ABCG5: variants seen among roughly 807,000 people sequenced by gnomAD.
ABCG5 encodes the protein ATP-binding cassette sub-family G member 5.
ABCG5 carries 64 observed loss-of-function variants against 64.5 expected under a neutral mutation model. That is an observed-to-expected ratio of 0.99 (90% CI 0.81 to 1.22). ABCG5 has a LOEUF of 1.22. ABCG5 is among the 50% of genes most tolerant of loss of function. The pLI is 0.00. For synonymous variants in ABCG5, 385 were observed against 326.3 expected, an observed-to-expected ratio of 1.18 and a Z score of -1.94; for missense variants, 908 against 829.5, an observed-to-expected ratio of 1.09 and a Z score of -1.16.
At chr2:43,814,726 TA>T (rs1463042973) in intron 11 of ABCG5, 137 bp from the exon 12 acceptor site, 5 of 595,066 alleles carry the variant, frequency 8.4e-6, no homozygotes, top group African/African-American at 3.7e-5. Context: ...ATGCTCACTA[TA>T]AAAAAACCTT....
rs1667457260 is a variant in ABCG5 at position 43,824,389 on chromosome 2, T to C, written c.948A>G (p.Ile316Met). 2.5e-6 allele frequency: 4 copies of C among 1,614,224 alleles called. 1 individual carries two copies. The East Asian group carries it at 8.9e-5, about 36-fold the overall frequency. Residue 316 changes from isoleucine (I) to methionine (M), a missense_variant, in exon 8 of 13, where the codon ATA becomes ATG. Transcript: ENST00000405322. ...TCATCTGGACTCTCTTGGAGGTTTC[T>C]ATTTCCCGTTCCTTGCTTTGGGTAT... is the stretch of plus-strand genomic sequence containing the variant. ...SVDTQSKERE[I>M]ETSKRVQMIE...
intron 11 of ABCG5, among the ~76,000 whole-genome samples, chr2:43,819,714 C>T (rs1310614811): frequency 6.6e-6 from 1 of 151,782 alleles, no homozygotes; most frequent in Admixed American, 6.6e-5. Flanking sequence ...TCCTGATTCC[C>T]GATAAAAAAG....
At chr2:43,818,605 G>T (rs1378861763) in intron 11 of ABCG5, among the ~76,000 whole-genome samples, 1 of 152,178 alleles carries the variant, frequency 6.6e-6, no homozygotes, top group Non-Finnish European at 1.5e-5. Flanking sequence ...GGTTGGCTCT[G>T]TACATTGCTG....
intron 11 of ABCG5, among the ~76,000 whole-genome samples, chr2:43,815,085 G>A (rs919422262): frequency 6.6e-6 from 1 of 152,198 alleles, no homozygotes; most frequent in African/African-American, 2.4e-5. Flanking sequence ...CCAATTGGAG[G>A]AGGAGATTTG....
chr2:43,832,521 G>C lies in ABCG5; in HGVS notation c.266-438C>G, dbSNP rs569685334. On this transcript the variant is annotated intron_variant, in intron 2 of 12. Coordinates refer to ENST00000405322, the MANE Select transcript of ABCG5 (RefSeq NM_022436.3). ...GTGGTCTGGTTGTACCTGGATGTAG[G>C]TGACATTGTCTAGAGCCTTGCTCAC... The C allele has an allele frequency of 3.6e-4, 81 of 226,434 alleles. 1 individual carries two copies. The South Asian group carries it at 5.7e-3, about 16-fold the overall frequency. The allele number at this position is 226,434 out of a possible 1,614,324, so 14.0% of individuals were successfully genotyped here. A position where few individuals can be genotyped will look rare whatever the true frequency, so the allele number is the denominator to read the frequency against.
In ABCG5 at chr2:43,812,734, A is replaced by G. The variant is rs550562520; in HGVS notation, c.*382T>C. On this transcript the variant is annotated 3_prime_UTR_variant, in exon 13 of 13. Coordinates refer to ENST00000405322, the MANE Select transcript of ABCG5 (RefSeq NM_022436.3). Reference sequence around the variant, plus strand: ...TCACTTATGGTCAGGAATCCTTGAAACATTTTATTTTTGCCTAATCCTTTA... The same window carrying G: ...TCACTTATGGTCAGGAATCCTTGAAGCATTTTATTTTTGCCTAATCCTTTA... The G allele has an allele frequency of 2.9e-4, 59 of 202,078 alleles. No homozygotes were observed. Among genetic ancestry groups the G allele is most frequent in the Non-Finnish European group, 4.2e-4 (41 of 98,172 alleles). The allele number at this position is 202,078 out of a possible 1,614,324, so 12.5% of individuals were successfully genotyped here. A position where few individuals can be genotyped will look rare whatever the true frequency, so the allele number is the denominator to read the frequency against.
At chr2:43,830,141 G>A (rs937122040) in intron 4 of ABCG5, among the ~76,000 whole-genome samples, 2 of 152,156 alleles carry the variant, frequency 1.3e-5, no homozygotes, top group Admixed American at 6.5e-5. Flanking sequence ...GCTTGGAAGA[G>A]ATGGACAGAG....
rs1052639205 is a variant in ABCG5 at position 43,814,538 on chromosome 2, G to T, written c.1701C>A (p.Phe567Leu). The T allele has an allele frequency of 6.2e-7, 1 of 1,609,766 alleles. No individual in the cohort carries two copies. Among genetic ancestry groups the T allele is most frequent in the Non-Finnish European group, 8.5e-7 (1 of 1,176,854 alleles). Reference sequence around the variant, plus strand: ...CAAGAATCTCACTGCAATATTTTTGGAATGTAAAATAACTGATGATTTTAA... The same window carrying T: ...CAAGAATCTCACTGCAATATTTTTGTAATGTAAAATAACTGATGATTTTAA... ...IPFKIISYFTFQKYCSEILVV... is the reference protein window; with the variant it reads ...IPFKIISYFTLQKYCSEILVV... The change falls in exon 12 of 13, where the codon TTC (phenylalanine) becomes TTA (leucine). Residue 567 changes from phenylalanine to leucine, a missense_variant. Phe to Leu is a conservative substitution (Grantham distance 22). Coordinates refer to ENST00000405322, the MANE Select transcript of ABCG5 (RefSeq NM_022436.3).
chr2:43,826,320 T>C, intron 6 of ABCG5, 62 bp downstream of exon 6: 1 of 1,611,066 alleles, frequency 6.2e-7, no homozygotes, highest in South Asian at 1.1e-5. Context: ...ATCTTGCCCC[T>C]GCCCCTGTGA....
chr2:43,821,780 T>A (rs1192469283), intron 10 of ABCG5, among the ~76,000 whole-genome samples: 2 of 152,118 alleles, frequency 1.3e-5, no homozygotes, highest in African/African-American at 4.8e-5. Context: ...CTTCCCAATT[T>A]CAATCTCTCT....
chr2:43,839,094 G>A (rs773804452), upstream of ABCG5: 1 of 1,551,298 alleles, frequency 6.4e-7, no homozygotes, highest in Non-Finnish European at 8.7e-7. Flanking sequence ...CTGCCGAAAG[G>A]GGCCACTCCC....
chr2:43,822,349 C>T (rs1014595834), intron 10 of ABCG5, among the ~76,000 whole-genome samples: 3 of 152,142 alleles, frequency 2.0e-5, no homozygotes, highest in East Asian at 1.9e-4. Context: ...CTGATGCTGC[C>T]CAATCCTGCT....
At chr2:43,822,637 A>G in intron 10 of ABCG5, 160 bp downstream of exon 10, 1 of 983,648 alleles carries the variant, frequency 1.0e-6, no homozygotes, top group South Asian at 4.7e-5. Flanking sequence ...TTACAATAAA[A>G]TTAATGTCCT....
chr2:43,822,373 C>G (rs1667269691), intron 10 of ABCG5: 1 of 260,658 alleles, frequency 3.8e-6, no homozygotes, highest in Non-Finnish European at 6.0e-6. Flanking sequence ...CTTTCTACCT[C>G]CCTGATCACC....
At chr2:43,829,504 TC>T (rs1667838569) in intron 4 of ABCG5, among the ~76,000 whole-genome samples, 1 of 152,116 alleles carries the variant, frequency 6.6e-6, no homozygotes, top group Non-Finnish European at 1.5e-5. Context: ...TTCTCAACTC[TC>T]CCAAAACAAT....
intron 10 of ABCG5, among the ~76,000 whole-genome samples, chr2:43,821,727 G>A (rs1229152795): frequency 6.6e-6 from 1 of 152,092 alleles, no homozygotes; most frequent in African/African-American, 2.4e-5. Context: ...CTAATAGCAT[G>A]TCCCATGATG....
chr2:43,817,553 T>G (rs954579521), intron 11 of ABCG5, among the ~76,000 whole-genome samples: 2 of 151,926 alleles, frequency 1.3e-5, no homozygotes, highest in Non-Finnish European at 2.9e-5. Flanking sequence ...CTAATACAAA[T>G]GCTTCTTATG....
rs1199665920 is a variant in ABCG5 at position 43,820,074 on chromosome 2, G to T, written c.1490C>A (p.Ala497Asp). The T allele has an allele frequency of 3.1e-6, 5 of 1,613,926 alleles. No individual in the cohort carries two copies. The Admixed American group carries it at 6.7e-5, about 22-fold the overall frequency. Residue 497 changes from alanine (A) to aspartate (D), a missense_variant, in exon 11 of 13, where the codon GCC becomes GAC. Transcript: ENST00000405322. Reference protein sequence around the residue: ...YWTLGLHPEVARFGYFSAALL... With the variant: ...YWTLGLHPEVDRFGYFSAALL... ...AGCAGCAGAAAAATATCCAAATCGG[G>T]CAACCTCAGGATGTAAGCCCAGCGT...
intron 11 of ABCG5, among the ~76,000 whole-genome samples, chr2:43,816,955 T>G (rs534626759): frequency 9.8e-5 from 15 of 152,316 alleles, no homozygotes; most frequent in African/African-American, 3.6e-4. Context: ...GCTAATTTCC[T>G]TTGTGTTTAA....
Sources: gnomAD v4.1 joint callset for allele counts (sites outside exome capture counted in the v4.1 genomes callset) on GRCh38, gnomAD v4.1.1 for gene constraint, MANE v1.5 for transcripts, NCBI Gene and HGNC (gene_info 2026-07-23, HGNC 2026-07-21) for gene names.